GRIP1: variants seen among roughly 807,000 people sequenced by gnomAD.
GRIP1 encodes glutamate receptor interacting protein 1.
Under a neutral mutation model 129.9 loss-of-function variants are expected in GRIP1, and 45 were observed. That is an observed-to-expected ratio of 0.35 (90% confidence interval 0.27 to 0.44). GRIP1 has a LOEUF of 0.44. GRIP1 is among the 20% of genes least tolerant of loss of function. GRIP1 has a pLI of 1.00. For missense variants in GRIP1, 1,196 were observed against 1,396.8 expected, an observed-to-expected ratio of 0.86 and a Z score of 2.29; for synonymous variants, 530 against 520.8, an observed-to-expected ratio of 1.02 and a Z score of -0.24.
chr12:66,525,341 T>A (rs1156600969), intron 5 of GRIP1, among the ~76,000 whole-genome samples: 1 of 152,196 alleles, frequency 6.6e-6, no homozygotes, highest in Non-Finnish European at 1.5e-5. Flanking sequence ...CATGATCAAG[T>A]GGGCTTCATC....
At chr12:66,439,931 T>C (rs2058424993) in intron 13 of GRIP1, among the ~76,000 whole-genome samples, 1 of 152,162 alleles carries the variant, frequency 6.6e-6, no homozygotes, top group Non-Finnish European at 1.5e-5. Context: ...TACTCCACTG[T>C]GTAGGCTGAT....
chr12:66,903,598 G>C (rs1395476940), intron 1 of GRIP1, among the ~76,000 whole-genome samples: 1 of 152,060 alleles, frequency 6.6e-6, no homozygotes, highest in Non-Finnish European at 1.5e-5. Flanking sequence ...TGTTTGAAGG[G>C]GAGGTAGGAA....
chr12:66,447,516 T>C (rs2058665491), intron 11 of GRIP1, among the ~76,000 whole-genome samples: 1 of 152,234 alleles, frequency 6.6e-6, no homozygotes, highest in Admixed American at 6.5e-5. Context: ...ATGCAACCCT[T>C]TGACGAGAGT....
At chr12:67,036,479 C>G (rs187823286) in intron 1 of GRIP1, among the ~76,000 whole-genome samples, 1 of 152,088 alleles carries the variant, frequency 6.6e-6, no homozygotes, top group Admixed American at 6.6e-5. Flanking sequence ...AGGTGCCCAC[C>G]ACTATGCCTG....
Position 66,901,981 on chromosome 12 carries a change from T to C in GRIP1, c.58+167069A>G, listed in dbSNP as rs543718038. 5.4e-4 allele frequency among the ~76,000 whole-genome samples: 82 copies of C among 152,324 alleles called. 1 individual carries two copies. In the South Asian group the frequency reaches 0.017, roughly 31 times the overall value. On this transcript the variant is annotated intron_variant, in intron 1 of 1. Coordinates refer to the GRIP1 transcript ENST00000643019. Reference sequence around the variant, plus strand: ...TGCTGAGTTGATCCTTCAGATCATGTGCATATGGGCAGAAAACATGAGCTT... The same window carrying C: ...TGCTGAGTTGATCCTTCAGATCATGCGCATATGGGCAGAAAACATGAGCTT...
At chr12:66,820,167 T>C (rs1171870097) in intron 1 of GRIP1, among the ~76,000 whole-genome samples, 1 of 152,172 alleles carries the variant, frequency 6.6e-6, no homozygotes, top group Non-Finnish European at 1.5e-5. Flanking sequence ...TCCCAGCACT[T>C]TGGAAGGCCG....
intron 1 of GRIP1, among the ~76,000 whole-genome samples, chr12:66,675,903 A>C (rs1203965205): frequency 6.6e-6 from 1 of 152,180 alleles, no homozygotes; most frequent in African/African-American, 2.4e-5. Context: ...TAGGTACCTG[A>C]TAAGGCAAAA....
intron 2 of GRIP1, among the ~76,000 whole-genome samples, chr12:66,577,847 C>T (rs779442934): frequency 6.6e-6 from 1 of 152,014 alleles, no homozygotes; most frequent in Non-Finnish European, 1.5e-5. Flanking sequence ...CTCTGCTACT[C>T]GGATGCTGAA....
chr12:66,471,667 G>C (rs1470970196), intron 7 of GRIP1, among the ~76,000 whole-genome samples: 1 of 151,964 alleles, frequency 6.6e-6, no homozygotes, highest in African/African-American at 2.4e-5. Context: ...TGGAAATAAA[G>C]ATGATTCTAG....
intron 7 of GRIP1, among the ~76,000 whole-genome samples, chr12:66,473,910 G>A (rs10784540): frequency 0.7 from 105,607 of 151,878 alleles, 37,202 homozygotes; most frequent in Middle Eastern, 0.87. Flanking sequence ...TTCAAAAACC[G>A]GAATGTCTCT....
At chr12:66,653,765 G>T (rs1316490315) in intron 1 of GRIP1, among the ~76,000 whole-genome samples, 1 of 152,156 alleles carries the variant, frequency 6.6e-6, no homozygotes, top group Non-Finnish European at 1.5e-5. Flanking sequence ...ACATAGCAAT[G>T]AAATTTAAAA....
At chr12:66,675,353 G>A (rs1243780437) in intron 1 of GRIP1, among the ~76,000 whole-genome samples, 1 of 152,104 alleles carries the variant, frequency 6.6e-6, no homozygotes, top group Non-Finnish European at 1.5e-5. Flanking sequence ...TTCAGATCTC[G>A]GAGCTCAAAA....
intron 1 of GRIP1, among the ~76,000 whole-genome samples, chr12:66,847,582 A>G (rs2039840480): frequency 6.6e-6 from 1 of 152,186 alleles, no homozygotes. Context: ...TATGTCATTA[A>G]TGTGAACTTT....
chr12:66,416,147 T>C (rs537163989), intron 15 of GRIP1, among the ~76,000 whole-genome samples: 1 of 151,282 alleles, frequency 6.6e-6, no homozygotes, highest in East Asian at 1.9e-4. Context: ...AACAACCTGC[T>C]TCTGAGTGAC....
intron 1 of GRIP1, among the ~76,000 whole-genome samples, chr12:66,885,039 A>G (rs1326608255): frequency 6.6e-6 from 1 of 152,200 alleles, no homozygotes; most frequent in Admixed American, 6.5e-5. Context: ...CAAAGATATT[A>G]TTTAAATAGC....
rs1565825184 is a variant in GRIP1, at chr12:66,524,437, A to G, written c.502+5394T>C. Among the ~76,000 whole-genome samples, 5 of 152,320 alleles carry G rather than the reference A, an allele frequency of 3.3e-5. No individual in the cohort carries two copies. The South Asian group carries it at 1.0e-3, about 32-fold the overall frequency. ...CTGCTCCTGAATGACTACTGGGTAC[A>G]TAACGAAATGAAGGCAGAAACAAAG... On this transcript the variant is annotated intron_variant, in intron 5 of 24. Coordinates refer to ENST00000359742, the MANE Select transcript of GRIP1 (RefSeq NM_001366722.1).
chr12:67,069,326 C>CCG (rs1284447403), upstream of GRIP1, among the ~76,000 whole-genome samples: 20 of 139,912 alleles, frequency 1.4e-4, no homozygotes, highest in South Asian at 2.2e-4. Flanking sequence ...GCGGCGGCGG[C>CCG]GGCGGCCGGG....
At chr12:66,395,263 G>A (rs2056746178) in intron 16 of GRIP1, among the ~76,000 whole-genome samples, 1 of 152,158 alleles carries the variant, frequency 6.6e-6, no homozygotes, top group African/African-American at 2.4e-5. Flanking sequence ...TAAAGTTCTT[G>A]GGCACTTCTT....
At chr12:66,527,038 G>A (rs1172758290) in intron 5 of GRIP1, among the ~76,000 whole-genome samples, 3 of 143,002 alleles carry the variant, frequency 2.1e-5, no homozygotes, top group Non-Finnish European at 4.6e-5. Flanking sequence ...AGGTGCTGGA[G>A]AGGATGTGGA....
Sources: allele counts gnomAD v4.1 joint callset (sites outside exome capture counted in the v4.1 genomes callset), GRCh38; gene constraint gnomAD v4.1.1; transcripts MANE v1.5; gene names NCBI Gene and HGNC (gene_info 2026-07-23, HGNC 2026-07-21).